Variants in PPARGC1A observed in about 807,000 individuals in gnomAD.
The protein encoded by PPARGC1A is peroxisome proliferator-activated receptor gamma coactivator 1-alpha.
In PPARGC1A, 25 loss-of-function variants were observed where a neutral mutation model predicts 88.7. The ratio of observed to expected loss-of-function variants is 0.28; its 90% CI spans 0.21 to 0.39. The LOEUF (loss-of-function observed/expected upper bound fraction) is 0.39, where lower values mean the gene tolerates loss of function less well. PPARGC1A is among the 10% of genes least tolerant of loss of function. The probability of loss-of-function intolerance (pLI) is 1.00; values close to 1 mark genes in which losing one functional copy is unlikely to be tolerated. For synonymous variants in PPARGC1A, 363 were observed against 355.6 expected, an observed-to-expected ratio of 1.02 and a Z score of -0.24; for missense variants, 880 against 968.7, an observed-to-expected ratio of 0.91 and a Z score of 1.22.
the PPARGC1A span, among the ~76,000 whole-genome samples, chr4:24,093,988 AC>A: frequency 0.2 from 31,022 of 151,884 alleles, 4,059 homozygotes; most frequent in Admixed American, 0.34. Context: ...ATCCAGCATA[AC>A]CACATGCCCT....
chr4:24,148,869 A>G, the PPARGC1A span, among the ~76,000 whole-genome samples: 1 of 152,224 alleles, frequency 6.6e-6, no homozygotes, highest in Non-Finnish European at 1.5e-5. Context: ...ACATTCACAA[A>G]CAGTAGCTGA....
the PPARGC1A span, among the ~76,000 whole-genome samples, chr4:24,197,619 C>T: frequency 2.0e-5 from 3 of 152,138 alleles, no homozygotes; most frequent in Non-Finnish European, 4.4e-5. Flanking sequence ...TCATCCTATT[C>T]TGTGATCTGA....
At chr4:24,226,462 G>A in the PPARGC1A span, among the ~76,000 whole-genome samples, 2 of 152,230 alleles carry the variant, frequency 1.3e-5, no homozygotes, top group Non-Finnish European at 2.9e-5. Context: ...GGTGGAAAAC[G>A]AGGTGGGGAA....
At chr4:24,316,367 C>G in the PPARGC1A span, among the ~76,000 whole-genome samples, 1 of 152,232 alleles carries the variant, frequency 6.6e-6, no homozygotes, top group African/African-American at 2.4e-5. Context: ...TTTCTGACTC[C>G]ATTAGCACAA....
At chr4:24,211,932 A>G in the PPARGC1A span, among the ~76,000 whole-genome samples, 37 of 152,254 alleles carry the variant, frequency 2.4e-4, no homozygotes, top group African/African-American at 8.4e-4. Flanking sequence ...CCAATGTCTT[A>G]TCATCACTCT....
chr4:24,150,322 T>C, the PPARGC1A span, among the ~76,000 whole-genome samples: 17 of 152,322 alleles, frequency 1.1e-4, no homozygotes, highest in Admixed American at 7.8e-4. Flanking sequence ...GGGCACTCTA[T>C]GTAAATGTCA....
At chr4:24,110,969 A>G in the PPARGC1A span, among the ~76,000 whole-genome samples, 3 of 152,326 alleles carry the variant, frequency 2.0e-5, no homozygotes, top group Admixed American at 2.0e-4. Flanking sequence ...TTCTACATAA[A>G]TAACTTAAAT....
At chr4:24,100,054 T>C in the PPARGC1A span, among the ~76,000 whole-genome samples, 2 of 151,766 alleles carry the variant, frequency 1.3e-5, no homozygotes, top group African/African-American at 4.9e-5. Flanking sequence ...CACACCAACA[T>C]GGCACATGTG....
chr4:24,470,345 C>G, the PPARGC1A span, among the ~76,000 whole-genome samples: 1 of 151,882 alleles, frequency 6.6e-6, no homozygotes, highest in Non-Finnish European at 1.5e-5. This position sits in a 1 kb window ranked among gnomAD's most constrained non-coding sequence, Gnocchi z 5.8. Flanking sequence ...CAGGCAGGCA[C>G]GCGGACGCCC....
At chr4:23,968,825 T>C in the PPARGC1A span, among the ~76,000 whole-genome samples, 4 of 152,114 alleles carry the variant, frequency 2.6e-5, no homozygotes, top group South Asian at 2.1e-4. Flanking sequence ...TGAGGCAGAA[T>C]TGCTTGAACC....
At chr4:24,206,990 C>T in the PPARGC1A span, among the ~76,000 whole-genome samples, 2 of 151,672 alleles carry the variant, frequency 1.3e-5, no homozygotes, top group African/African-American at 2.4e-5. Flanking sequence ...TTAAACCCTC[C>T]GTCTCTCAGT....
At chr4:24,361,878 C>T in the PPARGC1A span, among the ~76,000 whole-genome samples, 2 of 152,152 alleles carry the variant, frequency 1.3e-5, no homozygotes, top group African/African-American at 2.4e-5. Context: ...GCAGGAGAAA[C>T]ATACAGTCTG....
the PPARGC1A span, among the ~76,000 whole-genome samples, chr4:23,970,975 T>A: frequency 6.6e-6 from 1 of 152,172 alleles, no homozygotes; most frequent in Non-Finnish European, 1.5e-5. Flanking sequence ...TGTTAAAATA[T>A]GAAAACACTT....
the PPARGC1A span, among the ~76,000 whole-genome samples, chr4:24,281,308 G>A: frequency 8.5e-5 from 13 of 152,334 alleles, no homozygotes; most frequent in Admixed American, 3.3e-4. Context: ...TCAGCAGACT[G>A]TACAGGAAGC....
At chr4:23,893,313 T>C (rs1051605582), upstream of PPARGC1A, among the ~76,000 whole-genome samples, 2 of 152,174 alleles carry the variant, frequency 1.3e-5, no homozygotes, top group Non-Finnish European at 2.9e-5. Flanking sequence ...TTCAGACAAC[T>C]GCCCATTTCT....
the PPARGC1A span, among the ~76,000 whole-genome samples, chr4:24,107,724 G>T: frequency 6.6e-6 from 1 of 152,306 alleles, no homozygotes; most frequent in African/African-American, 2.4e-5. Context: ...TGTACAGTTG[G>T]TTCTGCAGGC....
At chr4:23,836,702 C>A (rs891579029) in intron 2 of PPARGC1A, among the ~76,000 whole-genome samples, 1 of 152,170 alleles carries the variant, frequency 6.6e-6, no homozygotes, top group Non-Finnish European at 1.5e-5. Context: ...TAGGTTCTGG[C>A]CCTTCAGGTA....
At chr4:24,458,826 T>C in the PPARGC1A span, among the ~76,000 whole-genome samples, 1 of 152,190 alleles carries the variant, frequency 6.6e-6, no homozygotes, top group Non-Finnish European at 1.5e-5. Context: ...TATGAAATAT[T>C]ATATGGCAGG....
At chr4:24,037,235 A>G in the PPARGC1A span, among the ~76,000 whole-genome samples, 1 of 152,172 alleles carries the variant, frequency 6.6e-6, no homozygotes, top group Non-Finnish European at 1.5e-5. Context: ...TTTATTTTTA[A>G]TATATAGCTG....
Sources: allele counts gnomAD v4.1 joint callset (sites outside exome capture counted in the v4.1 genomes callset), GRCh38; gene constraint gnomAD v4.1.1; non-coding constraint Gnocchi (gnomAD v3.1); transcripts MANE v1.5; gene names NCBI Gene and HGNC (gene_info 2026-07-23, HGNC 2026-07-21).